SORCS2: variants seen among roughly 807,000 people sequenced by gnomAD.
SORCS2 encodes the protein sortilin related VPS10 domain containing receptor 2.
SORCS2 carries 100 observed loss-of-function variants against 141.6 expected under a neutral mutation model. The observed-to-expected ratio is 0.71, with a 90% CI of 0.60 to 0.83. The LOEUF (loss-of-function observed/expected upper bound fraction) is 0.83, where lower values mean the gene tolerates loss of function less well. Among genes scored for constraint, SORCS2 ranks in the 40% least tolerant of loss-of-function variants. The probability of loss-of-function intolerance (pLI) is 0.00; values close to 1 mark genes in which losing one functional copy is unlikely to be tolerated. For missense variants in SORCS2, 1,646 were observed against 1,560.2 expected, an observed-to-expected ratio of 1.05 and a Z score of -0.93; for synonymous variants, 789 against 676.9, an observed-to-expected ratio of 1.17 and a Z score of -2.57.
chr4:7,704,505 A>G (rs1366540225), intron 14 of SORCS2, among the ~76,000 whole-genome samples: 3 of 152,196 alleles, frequency 2.0e-5, no homozygotes, highest in Non-Finnish European at 4.4e-5. Flanking sequence ...GAGTATTGCT[A>G]TCTACTGGCA....
At chr4:7,367,694 G>A (rs549105853) in intron 1 of SORCS2, among the ~76,000 whole-genome samples, 51 of 152,322 alleles carry the variant, frequency 3.3e-4, no homozygotes, top group Non-Finnish European at 2.2e-4. Context: ...TGTTGGCTCC[G>A]ACTCTCCCTA....
chr4:7,264,455 C>G (rs990684456), intron 1 of SORCS2, among the ~76,000 whole-genome samples: 2 of 152,186 alleles, frequency 1.3e-5, no homozygotes, highest in African/African-American at 4.8e-5. Context: ...CCCCAAAGCA[C>G]CAAGCTGCCA....
At chr4:7,312,357 G>C (rs1718239463) in intron 1 of SORCS2, among the ~76,000 whole-genome samples, 1 of 152,192 alleles carries the variant, frequency 6.6e-6, no homozygotes, top group Admixed American at 6.5e-5. Context: ...CCGGTCTATT[G>C]ATCTTGTCCT....
chr4:7,554,867 A>T (rs1006487072), intron 3 of SORCS2, among the ~76,000 whole-genome samples: 2 of 152,206 alleles, frequency 1.3e-5, no homozygotes, highest in African/African-American at 2.4e-5. Flanking sequence ...GTAAAGGCAT[A>T]TTGGAACACC....
intron 3 of SORCS2, among the ~76,000 whole-genome samples, chr4:7,636,594 G>A (rs1720272981): frequency 6.6e-6 from 1 of 152,028 alleles, no homozygotes; most frequent in African/African-American, 2.4e-5. Context: ...CATTCCAAAT[G>A]TAGAGATGCG....
intron 2 of SORCS2, among the ~76,000 whole-genome samples, chr4:7,496,345 C>G (rs1282783076): frequency 6.6e-6 from 1 of 152,080 alleles, no homozygotes; most frequent in Non-Finnish European, 1.5e-5. Context: ...GGATTCGCGC[C>G]TGGGTCTGAC....
At chr4:7,449,979 C>T (rs887564638) in intron 2 of SORCS2, among the ~76,000 whole-genome samples, 2 of 152,232 alleles carry the variant, frequency 1.3e-5, no homozygotes, top group South Asian at 2.1e-4. Context: ...CCTGCTTACC[C>T]TCCAACAACC....
In SORCS2 at chr4:7,664,532, C is replaced by G; in HGVS notation, c.1071+61C>G. ...CAGGTGACGTGGCGGATGACCCGTT[C>G]GCGGCAAAAATGGCATCGCTCAGAA... On this transcript the variant is annotated intron_variant, in intron 7 of 26. Coordinates refer to ENST00000507866, the MANE Select transcript of SORCS2 (RefSeq NM_020777.3). This position sits in a 1 kb window ranked among gnomAD's most constrained non-coding sequence, Gnocchi z 4.7. The G allele has an allele frequency of 7.9e-7, 1 of 1,261,960 alleles. No individual in the cohort carries two copies. The highest frequency in any genetic ancestry group is 2.6e-5 in the East Asian group (1 of 38,816). 78.2% of individuals were successfully genotyped at this position (1,261,960 alleles called of 1,614,324 possible).
intron 2 of SORCS2, among the ~76,000 whole-genome samples, chr4:7,499,757 G>T (rs1055649322): frequency 1.5e-5 from 1 of 67,290 alleles, no homozygotes; most frequent in Non-Finnish European, 2.8e-5. Flanking sequence ...GGCATCTGGA[G>T]AGAAACCCCA....
At chr4:7,371,425 A>G (rs1722242607) in intron 1 of SORCS2, among the ~76,000 whole-genome samples, 1 of 152,188 alleles carries the variant, frequency 6.6e-6, no homozygotes. Flanking sequence ...GAGGGATTAT[A>G]AATTCATTAT....
intron 1 of SORCS2, among the ~76,000 whole-genome samples, chr4:7,284,207 C>T (rs759212004): frequency 6.6e-6 from 1 of 152,162 alleles, no homozygotes; most frequent in Non-Finnish European, 1.5e-5. Flanking sequence ...GGCAGGAGGG[C>T]ATCCTACTGA....
chr4:7,604,823 C>G (rs930814497), intron 3 of SORCS2, among the ~76,000 whole-genome samples: 4 of 152,136 alleles, frequency 2.6e-5, no homozygotes, highest in Non-Finnish European at 5.9e-5. Flanking sequence ...AATACAAGGC[C>G]AGTTCATCCT....
intron 1 of SORCS2, among the ~76,000 whole-genome samples, chr4:7,388,964 C>T (rs1467544690): frequency 1.3e-5 from 2 of 152,254 alleles, no homozygotes; most frequent in Non-Finnish European, 2.9e-5. Context: ...ATGCACAGCA[C>T]TTCGATGGAA....
At chr4:7,325,672 G>T (rs566378060) in intron 1 of SORCS2, among the ~76,000 whole-genome samples, 1 of 152,274 alleles carries the variant, frequency 6.6e-6, no homozygotes, top group Non-Finnish European at 1.5e-5. Flanking sequence ...GCTCTGGAAG[G>T]CCCCTTGGCA....
intron 2 of SORCS2, among the ~76,000 whole-genome samples, chr4:7,406,710 G>A (rs1724992234): frequency 1.3e-5 from 2 of 151,266 alleles, no homozygotes; most frequent in African/African-American, 2.4e-5. Flanking sequence ...TGTATAGTTT[G>A]GTAGTCTCAA....
Position 7,475,586 on chromosome 4 carries a change from G to A in SORCS2, c.549-55944G>A, listed in dbSNP as rs571173467. Among the ~76,000 whole-genome samples the A allele has an allele frequency of 2.6e-5, 4 of 152,358 alleles. No individual in the cohort carries two copies. The East Asian group carries it at 5.8e-4, about 22-fold the overall frequency. ...TGTCTCCCAGGGAACCCAGGATCCT[G>A]GAGCCCCTTCCCTGTGGCTGCAGAC... is the stretch of plus-strand genomic sequence containing the variant. On this transcript the variant is annotated intron_variant, in intron 2 of 26. Coordinates refer to ENST00000507866, the MANE Select transcript of SORCS2 (RefSeq NM_020777.3).
intron 1 of SORCS2, among the ~76,000 whole-genome samples, chr4:7,367,591 G>A (rs2109036039): frequency 6.6e-6 from 1 of 152,298 alleles, no homozygotes; most frequent in South Asian, 2.1e-4. Context: ...TCTCGCTCAG[G>A]GCTGGGCTGT....
chr4:7,676,306 C>T (rs773426068), intron 9 of SORCS2, 77 bp downstream of exon 9: 6 of 1,425,126 alleles, frequency 4.2e-6, no homozygotes, highest in African/African-American at 2.8e-5. Flanking sequence ...CTCTTCCTCC[C>T]CCCTCCCCTC....
chr4:7,397,851 G>T (rs1724316886), intron 2 of SORCS2, among the ~76,000 whole-genome samples: 1 of 152,220 alleles, frequency 6.6e-6, no homozygotes, highest in African/African-American at 2.4e-5. Flanking sequence ...AGCGGACGGA[G>T]ATGGTCAAGT....
Sources: gnomAD v4.1 joint callset for allele counts (sites outside exome capture counted in the v4.1 genomes callset) on GRCh38, gnomAD v4.1.1 for gene constraint, Gnocchi (gnomAD v3.1) non-coding constraint, MANE v1.5 for transcripts, NCBI Gene and HGNC (gene_info 2026-07-23, HGNC 2026-07-21) for gene names.